Variants in PCNX1 observed in about 807,000 individuals in gnomAD.
PCNX1 encodes the protein pecanex 1.
Under a neutral mutation model 242.2 loss-of-function variants are expected in PCNX1, and 78 were observed. The observed-to-expected ratio is 0.32, with a 90% confidence interval of 0.27 to 0.39. The LOEUF is 0.39. PCNX1 is among the 10% of genes least tolerant of loss of function. PCNX1 has a pLI of 1.00. For synonymous variants in PCNX1, 1,024 were observed against 1,032.9 expected (o/e 0.99, Z 0.17); for missense variants, 2,581 against 2,856.5 (o/e 0.90, Z 2.20).
intron 23 of PCNX1, among the ~76,000 whole-genome samples, chr14:71,051,199 T>A (rs113553468): frequency 0.14 from 9,180 of 65,686 alleles, 438 homozygotes; most frequent in Middle Eastern, 0.22. Context: ...AAAAAAAAAA[T>A]CATAACCTTT....
At chr14:71,080,350 A>G (rs1475772224) in intron 28 of PCNX1, among the ~76,000 whole-genome samples, 1 of 152,194 alleles carries the variant, frequency 6.6e-6, no homozygotes, top group Non-Finnish European at 1.5e-5. Flanking sequence ...TGTCTTGGCT[A>G]TGCGGGCTCT....
intron 11 of PCNX1, among the ~76,000 whole-genome samples, chr14:71,016,750 C>T (rs1272292834): frequency 6.6e-6 from 1 of 152,114 alleles, no homozygotes; most frequent in Non-Finnish European, 1.5e-5. Flanking sequence ...AAATTTATAG[C>T]ACTAAACACC....
chr14:71,002,671 A>G (rs2059538425), intron 8 of PCNX1, among the ~76,000 whole-genome samples: 1 of 152,192 alleles, frequency 6.6e-6, no homozygotes, highest in Admixed American at 6.5e-5. Flanking sequence ...AGATTTCATC[A>G]TACTGCTTGC....
rs753398315 is a variant in PCNX1 at position 70,988,604 on chromosome 14, T to G, written c.2349T>G (p.Arg783=). The change falls in exon 7 of 36, where the codon CGT becomes CGG. Residue 783 remains arginine, a synonymous_variant. Transcript: ENST00000304743. ...GCGAGGAGGCAGTGTCATTTCGCCG[T>G]GAACGCAGCACATTTAGGCGCCAGG... is the stretch of plus-strand genomic sequence containing the variant. ...QASEEAVSFR[R]ERSTFRRQAV... 3 of 1,614,130 alleles carry G rather than the reference T, an allele frequency of 1.9e-6. No homozygotes were observed. Among genetic ancestry groups the G allele is most frequent in the South Asian group, 2.2e-5 (2 of 91,082 alleles).
chr14:70,922,343 AT>A (rs1375609504), intron 1 of PCNX1, among the ~76,000 whole-genome samples: 2 of 152,118 alleles, frequency 1.3e-5, no homozygotes, highest in African/African-American at 4.8e-5. Context: ...AAAAACATGA[AT>A]TTTTTTCTTG....
At position 71,067,522 on chromosome 14, in the gene PCNX1, T is replaced by C. The variant is rs116843423; in HGVS notation, c.4853-6023T>C. 9.0e-3 allele frequency among the ~76,000 whole-genome samples: 1,365 copies of C among 152,104 alleles called. 10 individuals carry two copies. The highest frequency in any genetic ancestry group is 0.012 in the Non-Finnish European group (843 of 67,930). ...TCTCTTTTCTTCATTTGTCTGACTA[T>C]TGTTCTATTTTGTTGATCTTTTCAA... On this transcript the variant is annotated intron_variant, in intron 26 of 35. Transcript: ENST00000304743.
intron 20 of PCNX1, among the ~76,000 whole-genome samples, chr14:71,046,018 TTAAA>T (rs1461386273): frequency 1.3e-5 from 2 of 152,158 alleles, no homozygotes; most frequent in African/African-American, 2.4e-5. Flanking sequence ...ATACCAATGA[TTAAA>T]TAAGCCAACT....
chr14:71,065,368 A>G (rs1238121094), intron 26 of PCNX1, among the ~76,000 whole-genome samples: 1 of 152,220 alleles, frequency 6.6e-6, no homozygotes, highest in East Asian at 1.9e-4. Flanking sequence ...TCTAATGACC[A>G]CTGATGATGA....
chr14:71,025,570 C>T (rs966798791), intron 13 of PCNX1, among the ~76,000 whole-genome samples: 5 of 151,834 alleles, frequency 3.3e-5, no homozygotes, highest in Admixed American at 6.6e-5. Context: ...TATATACACA[C>T]GTATATACAT....
chr14:71,043,955 A>G (rs766386343), intron 19 of PCNX1, among the ~76,000 whole-genome samples: 3 of 152,032 alleles, frequency 2.0e-5, no homozygotes, highest in Non-Finnish European at 2.9e-5. Context: ...CAGTTTTTCC[A>G]ATTGTATGGA....
Position 71,105,358 on chromosome 14 carries a change from G to A in PCNX1, c.6219G>A (p.Val2073=), listed in dbSNP as rs768752286. The change falls in exon 33 of 36, where the codon GTG becomes GTA. Residue 2073 remains valine (V), a synonymous_variant. Coordinates refer to ENST00000304743, the MANE Select transcript of PCNX1 (RefSeq NM_014982.3). ...CTGCCAACAATCCCCACAGCAACGT[G>A]ACCCAGGGAAGCATTGGAAATCCTG... ...ATTANNPHSN[V]TQGSIGNPGQ... is the part of the protein sequence containing the mutation. The A allele has an allele frequency of 3.7e-6, 6 of 1,614,060 alleles. No individual in the cohort carries two copies. The South Asian group carries it at 6.6e-5, about 18-fold the overall frequency.
chr14:70,948,226 T>C (rs1234979237), intron 2 of PCNX1, among the ~76,000 whole-genome samples: 1 of 152,176 alleles, frequency 6.6e-6, no homozygotes, highest in Non-Finnish European at 1.5e-5. Context: ...ACCCTATTCA[T>C]ACACCCCTCC....
intron 11 of PCNX1, among the ~76,000 whole-genome samples, chr14:71,013,711 T>C (rs1054196201): frequency 1.3e-5 from 2 of 152,002 alleles, no homozygotes; most frequent in Admixed American, 1.3e-4. Flanking sequence ...TTCAAGACAT[T>C]GGAGATGAGG....
chr14:70,950,180 T>C (rs1017494651), intron 2 of PCNX1, among the ~76,000 whole-genome samples: 25 of 152,336 alleles, frequency 1.6e-4, no homozygotes, highest in African/African-American at 5.8e-4. Context: ...AATTTTTGTT[T>C]ATTGCCTTAA....
chr14:70,999,607 ATT>A (rs796796916), intron 8 of PCNX1, among the ~76,000 whole-genome samples: 8 of 152,140 alleles, frequency 5.3e-5, no homozygotes, highest in African/African-American at 1.9e-4. Context: ...CTTTTGTTTT[ATT>A]ACTGTGTAAG....
chr14:71,034,964 C>T (rs76942861), intron 18 of PCNX1, among the ~76,000 whole-genome samples: 1 of 152,118 alleles, frequency 6.6e-6, no homozygotes, highest in African/African-American at 2.4e-5. Context: ...GAACCAAAAT[C>T]TAATAAGTAA....
At chr14:71,009,833 A>G (rs558252813) in intron 9 of PCNX1, 109 bp downstream of exon 9, 1 of 492,938 alleles carries the variant, frequency 2.0e-6, no homozygotes, top group Admixed American at 3.7e-5. Flanking sequence ...TTATAATTTA[A>G]TGTTGTTAAT....
At chr14:71,003,617 A>G (rs1473638411) in intron 8 of PCNX1, among the ~76,000 whole-genome samples, 2 of 152,246 alleles carry the variant, frequency 1.3e-5, no homozygotes, top group Non-Finnish European at 2.9e-5. Flanking sequence ...AAATCACAGC[A>G]AAATATGAAC....
chr14:70,968,095 T>A (rs929998401), intron 3 of PCNX1, 103 bp from the exon 4 acceptor site: 27 of 816,974 alleles, frequency 3.3e-5, no homozygotes, highest in Non-Finnish European at 5.2e-5. Flanking sequence ...ATCGATAACA[T>A]GTTTTGATCA....
Sources: gnomAD v4.1 joint callset for allele counts (sites outside exome capture counted in the v4.1 genomes callset) on GRCh38, gnomAD v4.1.1 for gene constraint, MANE v1.5 for transcripts, NCBI Gene and HGNC (gene_info 2026-07-23, HGNC 2026-07-21) for gene names.